Variants in NEMP2 observed in about 807,000 individuals in gnomAD.
NEMP2 encodes UPF0571 transmembrane protein.
A neutral mutation model predicts 54.2 loss-of-function variants in NEMP2; 53 were observed. That is an observed-to-expected ratio of 0.98 (90% CI 0.78 to 1.23). The LOEUF is 1.23. Ranked by LOEUF, NEMP2 falls within the 50% of genes most tolerant of loss-of-function variation. NEMP2 has a pLI of 0.00. For missense variants in NEMP2, 455 were observed against 511.3 expected, an observed-to-expected ratio of 0.89 and a Z score of 1.06; for synonymous variants, 197 against 190.3, an observed-to-expected ratio of 1.04 and a Z score of -0.29.
chr2:190,605,341 CTTTTTTTAA>C, the NEMP2 span, among the ~76,000 whole-genome samples: 2 of 147,616 alleles, frequency 1.4e-5, no homozygotes, highest in East Asian at 4.2e-4. Flanking sequence ...TCTACCACGT[CTTTTTTTAA>C]TTTTTTTAAT....
At chr2:190,456,650 A>G in the NEMP2 span, among the ~76,000 whole-genome samples, 1 of 152,270 alleles carries the variant, frequency 6.6e-6, no homozygotes, top group African/African-American at 2.4e-5. This position sits in a 1 kb window ranked among gnomAD's most constrained non-coding sequence, Gnocchi z 5.4. Context: ...AATCCTGTGT[A>G]TGGTGCCCCA....
At chr2:190,593,616 G>A in the NEMP2 span, among the ~76,000 whole-genome samples, 2 of 152,136 alleles carry the variant, frequency 1.3e-5, no homozygotes, top group South Asian at 2.1e-4. This position sits in a 1 kb window ranked among gnomAD's most constrained non-coding sequence, Gnocchi z 4.5. Context: ...AAATGGCCAT[G>A]TGTCTAGCTA....
At chr2:190,475,370 C>T in the NEMP2 span, among the ~76,000 whole-genome samples, 1 of 152,228 alleles carries the variant, frequency 6.6e-6, no homozygotes, top group Non-Finnish European at 1.5e-5. Context: ...AGCAAAGTCT[C>T]AGGATACAAA....
At chr2:190,617,464 C>A in the NEMP2 span, among the ~76,000 whole-genome samples, 3 of 152,186 alleles carry the variant, frequency 2.0e-5, no homozygotes, top group African/African-American at 7.2e-5. The surrounding 1 kb of genome is among the most constrained non-coding windows in gnomAD (Gnocchi z 5.0). Context: ...ACCAGGATTT[C>A]TCCCACCCCT....
chr2:190,592,480 T>C, the NEMP2 span, among the ~76,000 whole-genome samples: 1 of 152,154 alleles, frequency 6.6e-6, no homozygotes, highest in Non-Finnish European at 1.5e-5. This position sits in a 1 kb window ranked among gnomAD's most constrained non-coding sequence, Gnocchi z 4.4. Flanking sequence ...GCCAAATAAT[T>C]GACTGAGTAC....
chr2:190,511,242 C>T (rs990589421), intron 7 of NEMP2, among the ~76,000 whole-genome samples: 4 of 151,764 alleles, frequency 2.6e-5, no homozygotes, highest in African/African-American at 9.7e-5. Flanking sequence ...TTATGCAGAC[C>T]CTCTAGAACA....
the NEMP2 span, among the ~76,000 whole-genome samples, chr2:190,634,921 G>C: frequency 1.1e-4 from 16 of 152,300 alleles, no homozygotes; most frequent in Non-Finnish European, 2.1e-4. The surrounding 1 kb of genome is among the most constrained non-coding windows in gnomAD (Gnocchi z 6.8). Flanking sequence ...CAGGACTGAG[G>C]ATTCAGGTGT....
At position 190,509,553 on chromosome 2, in the gene NEMP2, C is replaced by T. The variant is rs1690283413; in HGVS notation, c.1131-241G>A. On this transcript the variant is annotated intron_variant, in intron 8 of 8. Transcript: ENST00000409150. The surrounding 1 kb of genome is among the most constrained non-coding windows in gnomAD (Gnocchi z 6.1). ...ATAAGCACTAAGTAAGCCAAATGTA[C>T]TCACTCCTGTTTTCTAATTCCTTCT... 2.6e-5 allele frequency among the ~76,000 whole-genome samples: 4 copies of T among 152,174 alleles called. No individual in the cohort carries two copies. The highest frequency in any genetic ancestry group is 2.6e-4 in the Admixed American group (4 of 15,270).
the NEMP2 span, among the ~76,000 whole-genome samples, chr2:190,468,218 G>A: frequency 6.6e-6 from 1 of 151,968 alleles, no homozygotes; most frequent in Non-Finnish European, 1.5e-5. Flanking sequence ...CAAGTACAAA[G>A]AACATAATGT....
chr2:190,581,465 G>A, the NEMP2 span, among the ~76,000 whole-genome samples: 1 of 152,182 alleles, frequency 6.6e-6, no homozygotes, highest in South Asian at 2.1e-4. Flanking sequence ...ATCATCTAAG[G>A]ATTGATACAG....
the NEMP2 span, chr2:190,497,650 A>G: frequency 6.2e-7 from 1 of 1,614,136 alleles, no homozygotes; most frequent in Non-Finnish European, 8.5e-7. This position sits in a 1 kb window ranked among gnomAD's most constrained non-coding sequence, Gnocchi z 5.2. Flanking sequence ...TTGTCTATGC[A>G]CTCTACCAAA....
chr2:190,491,142 G>A, the NEMP2 span, among the ~76,000 whole-genome samples: 1 of 152,142 alleles, frequency 6.6e-6, no homozygotes, highest in African/African-American at 2.4e-5. This position sits in a 1 kb window ranked among gnomAD's most constrained non-coding sequence, Gnocchi z 4.2. Flanking sequence ...TTCAATGTAA[G>A]AAACATAAAA....
the NEMP2 span, among the ~76,000 whole-genome samples, chr2:190,431,528 C>A: frequency 6.6e-6 from 1 of 152,178 alleles, no homozygotes. This position sits in a 1 kb window ranked among gnomAD's most constrained non-coding sequence, Gnocchi z 4.4. Flanking sequence ...CACAGCGAAA[C>A]CCCGTCTCCA....
chr2:190,518,012 A>G (rs938293226), intron 4 of NEMP2, among the ~76,000 whole-genome samples: 2 of 152,196 alleles, frequency 1.3e-5, no homozygotes, highest in East Asian at 3.9e-4. Context: ...TCCAGGCTTT[A>G]TTCTTCATGC....
At position 190,519,816 on chromosome 2, in the gene NEMP2, C is replaced by T. The variant is rs1419281713; in HGVS notation, c.214-633G>A. Among the ~76,000 whole-genome samples the T allele has an allele frequency of 1.3e-5, 2 of 152,192 alleles. No homozygotes were observed. The highest frequency in any genetic ancestry group is 2.9e-5 in the Non-Finnish European group (2 of 68,022). On this transcript the variant is annotated intron_variant, in intron 2 of 8. Transcript: ENST00000409150. This position sits in a 1 kb window ranked among gnomAD's most constrained non-coding sequence, Gnocchi z 5.4. ...CAGGCATACCCATTTTATTGTTTTACATCACTGTGCTTTGCAGATAGTGCA... is the reference window on the plus strand; with the variant it reads ...CAGGCATACCCATTTTATTGTTTTATATCACTGTGCTTTGCAGATAGTGCA...
the NEMP2 span, among the ~76,000 whole-genome samples, chr2:190,575,759 G>A: frequency 1.3e-5 from 2 of 152,248 alleles, no homozygotes; most frequent in East Asian, 3.9e-4. Context: ...GGGAGGCTGA[G>A]GCAGGAGAGT....
the NEMP2 span, among the ~76,000 whole-genome samples, chr2:190,585,792 G>A: frequency 1.3e-5 from 2 of 152,136 alleles, no homozygotes; most frequent in African/African-American, 2.4e-5. This position sits in a 1 kb window ranked among gnomAD's most constrained non-coding sequence, Gnocchi z 5.3. Context: ...AGCAGTCCAG[G>A]CACTCTGCAT....
chr2:190,493,234 C>G, the NEMP2 span, among the ~76,000 whole-genome samples: 10 of 151,958 alleles, frequency 6.6e-5, no homozygotes, highest in African/African-American at 2.2e-4. Flanking sequence ...AGTAGCTATT[C>G]TTACATCAGA....
the NEMP2 span, among the ~76,000 whole-genome samples, chr2:190,618,665 G>A: frequency 2.0e-4 from 30 of 152,158 alleles, no homozygotes; most frequent in African/African-American, 6.7e-4. Context: ...CTGCAGCCTC[G>A]ATCTCCTGGG....
Sources: gnomAD v4.1 joint callset for allele counts (sites outside exome capture counted in the v4.1 genomes callset) on GRCh38, gnomAD v4.1.1 for gene constraint, Gnocchi (gnomAD v3.1) non-coding constraint, MANE v1.5 for transcripts, NCBI Gene and HGNC (gene_info 2026-07-23, HGNC 2026-07-21) for gene names.